Variants in MOK observed in about 807,000 individuals in gnomAD.
MOK encodes MAPK/MAK/MRK overlapping kinase.
Under a neutral mutation model 54.2 loss-of-function variants are expected in MOK, and 59 were observed. The ratio of observed to expected loss-of-function variants is 1.09; its 90% CI spans 0.88 to 1.35. The LOEUF (loss-of-function observed/expected upper bound fraction) is 1.35, where lower values mean the gene tolerates loss of function less well. Ranked by LOEUF, MOK falls within the 40% of genes most tolerant of loss-of-function variation. The pLI, the probability that MOK is intolerant of heterozygous loss-of-function variation, is 0.00. For missense variants in MOK, 517 were observed against 526.2 expected, an observed-to-expected ratio of 0.98 and a Z score of 0.17; for synonymous variants, 210 against 202.7, an observed-to-expected ratio of 1.04 and a Z score of -0.31.
intron 1 of MOK, 71 bp from the exon 2 acceptor site, chr14:102,283,663 A>C (rs2069718069): frequency 6.6e-6 from 6 of 911,556 alleles, no homozygotes; most frequent in Admixed American, 4.5e-5. Flanking sequence ...CCAGACAGCA[A>C]ACTTTTAATC....
chr14:102,222,969 C>A, downstream of MOK: 1 of 1,551,998 alleles, frequency 6.4e-7, no homozygotes, highest in Non-Finnish European at 8.9e-7. The surrounding 1 kb of genome is among the most constrained non-coding windows in gnomAD (Gnocchi z 4.4). Context: ...CTGAGCCGTG[C>A]CAGCCGGCGG....
rs866564827 is a variant in MOK, at chr14:102,229,609, CCGGTCCTCGTCTCTTGGGA to C, written c.1011_1029del (p.Lys339MetfsTer8). Reference sequence around the variant, plus strand: ...AGTTTGGGCAGTTCCATGACATAGGCCGGTCCTCGTCTCTTGGGACGGTCCTCCTCTTGCTTTAGGGACT... The same window carrying C: ...AGTTTGGGCAGTTCCATGACATAGGCCGGTCCTCCTCTTGCTTTAGGGACT... On this transcript the variant is annotated frameshift_variant, in exon 11 of 12. Transcript: ENST00000361847. LOFTEE classifies it high-confidence loss of function. 2 of 1,614,040 alleles carry C rather than the reference CCGGTCCTCGTCTCTTGGGA, an allele frequency of 1.2e-6. No homozygotes were observed. Among genetic ancestry groups the C allele is most frequent in the Admixed American group, 1.7e-5 (1 of 60,002 alleles).
In MOK at chr14:102,305,140, G is replaced by T; in HGVS notation, c.-172C>A. On this transcript the variant is annotated 5_prime_UTR_variant, in exon 1 of 12. Coordinates refer to ENST00000361847, the MANE Select transcript of MOK (RefSeq NM_014226.3). Reference sequence around the variant, plus strand: ...GATCCCGCCGCCATGTTGTGTCCCTGTCACCCTAGCAACCGTCAGGCCCTG... The same window carrying T: ...GATCCCGCCGCCATGTTGTGTCCCTTTCACCCTAGCAACCGTCAGGCCCTG... The T allele has an allele frequency of 1.3e-6, 1 of 784,420 alleles. No homozygotes were observed. Among genetic ancestry groups the T allele is most frequent in the Non-Finnish European group, 2.1e-6 (1 of 466,866 alleles). The allele number at this position is 784,420 out of a possible 1,614,324, so 48.6% of individuals were successfully genotyped here. A position where few individuals can be genotyped will look rare whatever the true frequency, so the allele number is the denominator to read the frequency against.
chr14:102,248,642 C>T (rs1567165895), intron 7 of MOK, among the ~76,000 whole-genome samples: 2 of 151,812 alleles, frequency 1.3e-5, no homozygotes, highest in Non-Finnish European at 2.9e-5. Flanking sequence ...GCCGGGCGTG[C>T]TGGCGGGTGC....
chr14:102,286,981 A>G (rs187455225), intron 1 of MOK, among the ~76,000 whole-genome samples: 34 of 151,930 alleles, frequency 2.2e-4, no homozygotes, highest in African/African-American at 7.7e-4. Flanking sequence ...CACAGAATTA[A>G]TACTGGCTCT....
chr14:102,273,109 G>A (rs2068525559), intron 2 of MOK, among the ~76,000 whole-genome samples: 1 of 151,990 alleles, frequency 6.6e-6, no homozygotes, highest in African/African-American at 2.4e-5. Flanking sequence ...GGTGGAGGTT[G>A]CAGTGAGCTG....
At chr14:102,295,478 A>T (rs1312024210) in intron 1 of MOK, among the ~76,000 whole-genome samples, 1 of 152,218 alleles carries the variant, frequency 6.6e-6, no homozygotes, top group East Asian at 1.9e-4. Flanking sequence ...AGGGTGGGTG[A>T]CAGGCATCAG....
intron 2 of MOK, among the ~76,000 whole-genome samples, chr14:102,270,339 C>T (rs1053339208): frequency 2.0e-5 from 3 of 152,202 alleles, no homozygotes; most frequent in Non-Finnish European, 4.4e-5. Flanking sequence ...CAGGGGCTCA[C>T]GCCTGTAATC....
chr14:102,222,965 C>T (rs566440013), downstream of MOK: 406 of 1,563,194 alleles, frequency 2.6e-4, 1 homozygote, highest in African/African-American at 2.6e-3. This position sits in a 1 kb window ranked among gnomAD's most constrained non-coding sequence, Gnocchi z 4.4. Context: ...GCGCCTGAGC[C>T]GTGCCAGCCG....
intron 1 of MOK, among the ~76,000 whole-genome samples, chr14:102,299,570 G>C (rs1273717642): frequency 6.6e-6 from 1 of 152,018 alleles, no homozygotes; most frequent in African/African-American, 2.4e-5. Context: ...CGTCTTCAGA[G>C]TGTAACTTCT....
chr14:102,261,418 AATATATATATATATAT>A (rs1197835093), intron 4 of MOK, among the ~76,000 whole-genome samples: 1,755 of 42,800 alleles, frequency 0.041, 74 homozygotes, highest in Non-Finnish European at 0.047. Flanking sequence ...AAAAAAAAAA[AATATATATATATATAT>A]ATATATATAT....
chr14:102,249,490 A>T lies in MOK; in HGVS notation c.590+1322T>A, dbSNP rs2066361170. On this transcript the variant is annotated intron_variant, in intron 7 of 11. Transcript: ENST00000361847. The surrounding 1 kb of genome is among the most constrained non-coding windows in gnomAD (Gnocchi z 5.3). The stretch of plus-strand genomic sequence containing the variant: ...TTTGGGAGGCTGAGGCAGGCGGATT[A>T]CCTGAAGTCAGGAGTTCAAGACCAG... Among the ~76,000 whole-genome samples the T allele has an allele frequency of 6.6e-6, 1 of 152,072 alleles. No homozygotes were observed.
intron 1 of MOK, among the ~76,000 whole-genome samples, chr14:102,291,311 G>A (rs931549106): frequency 1.3e-5 from 2 of 152,184 alleles, no homozygotes; most frequent in South Asian, 4.1e-4. Flanking sequence ...AGAAGCTTCT[G>A]CAAAAGAAAT....
intron 1 of MOK, among the ~76,000 whole-genome samples, chr14:102,298,819 A>T (rs2071779066): frequency 1.3e-5 from 2 of 152,044 alleles, no homozygotes; most frequent in African/African-American, 4.8e-5. Flanking sequence ...GAGCTGCAAC[A>T]CTCACTGCAA....
rs1417149671 is a variant in MOK at position 102,232,914 on chromosome 14, C to G, written c.693-206G>C. On this transcript the variant is annotated intron_variant, in intron 8 of 11. Transcript: ENST00000361847. The surrounding 1 kb of genome is among the most constrained non-coding windows in gnomAD (Gnocchi z 5.1). ...GTGTAGTAATGAGATATCCACGGTT[C>G]ATCGACCATAATAAACACACCACTC... is the stretch of plus-strand genomic sequence containing the variant. The G allele has an allele frequency of 1.4e-5, 6 of 436,284 alleles. No homozygotes were observed. The Admixed American group carries it at 2.3e-4, about 17-fold the overall frequency. 27.0% of individuals were successfully genotyped at this position (436,284 alleles called of 1,614,324 possible).
intron 1 of MOK, among the ~76,000 whole-genome samples, chr14:102,291,602 A>G (rs2070761760): frequency 6.6e-6 from 1 of 152,192 alleles, no homozygotes; most frequent in Non-Finnish European, 1.5e-5. Flanking sequence ...CTACAAGAAG[A>G]TCAGTGTCTT....
At chr14:102,284,776 A>G (rs1453960489) in intron 1 of MOK, among the ~76,000 whole-genome samples, 1 of 152,190 alleles carries the variant, frequency 6.6e-6, no homozygotes. Context: ...CGAGGCCACA[A>G]AGAAATAAGG....
intron 7 of MOK, among the ~76,000 whole-genome samples, chr14:102,234,572 C>T (rs1043551160): frequency 2.0e-5 from 3 of 152,084 alleles, no homozygotes; most frequent in East Asian, 1.9e-4. Flanking sequence ...GGGACGTCAC[C>T]GGCAGTCTCT....
chr14:102,277,697 G>A (rs2069007585), intron 2 of MOK, among the ~76,000 whole-genome samples: 1 of 152,034 alleles, frequency 6.6e-6, no homozygotes, highest in African/African-American at 2.4e-5. Flanking sequence ...TAAAGGAGGT[G>A]GACACAAGAG....
Sources: gnomAD v4.1 joint callset for allele counts (sites outside exome capture counted in the v4.1 genomes callset) on GRCh38, gnomAD v4.1.1 for gene constraint, Gnocchi (gnomAD v3.1) non-coding constraint, MANE v1.5 for transcripts, NCBI Gene and HGNC (gene_info 2026-07-23, HGNC 2026-07-21) for gene names.